Variants in CASZ1 observed in about 807,000 individuals in gnomAD.
The protein encoded by CASZ1 is zinc finger protein castor homolog 1.
A neutral mutation model predicts 135.2 loss-of-function variants in CASZ1; 28 were observed. That is an observed-to-expected ratio of 0.21 (90% CI 0.15 to 0.28). The LOEUF (loss-of-function observed/expected upper bound fraction) is 0.28. Among genes scored for constraint, CASZ1 ranks in the 10% least tolerant of loss-of-function variants. The probability of loss-of-function intolerance (pLI) is 1.00; values close to 1 mark genes in which losing one functional copy is unlikely to be tolerated. For missense variants in CASZ1, 2,161 were observed against 2,453.3 expected, an observed-to-expected ratio of 0.88 and a Z score of 2.52; for synonymous variants, 1,068 against 1,073.4, an observed-to-expected ratio of 0.99 and a Z score of 0.10.
chr1:10,650,759 G>A lies in CASZ1; in HGVS notation c.2817-4C>T. 1 of 1,613,648 alleles carries A rather than the reference G, an allele frequency of 6.2e-7. No individual in the cohort carries two copies. Among genetic ancestry groups the A allele is most frequent in the Non-Finnish European group, 8.5e-7 (1 of 1,179,726 alleles). On this transcript the variant is annotated splice_polypyrimidine_tract_variant and splice_region_variant and intron_variant, in intron 12 of 20. Transcript: ENST00000377022. ...TGCGTGGCCATTTGATTCGTTGCTA[G>A]AACACACAAACCAAGGGACTTGAGC...
intron 1 of CASZ1, among the ~76,000 whole-genome samples, chr1:10,787,583 G>A (rs955034569): frequency 6.6e-6 from 1 of 152,174 alleles, no homozygotes; most frequent in Non-Finnish European, 1.5e-5. Flanking sequence ...TAGTGCTGGG[G>A]AAGGGTGCCA....
rs79853558 is a variant in CASZ1, at chr1:10,747,257, C to T, written c.-77+13444G>A. Among the ~76,000 whole-genome samples the T allele has an allele frequency of 0.013, 2,023 of 152,276 alleles. 40 individuals carry two copies. The highest frequency in any genetic ancestry group is 0.041 in the African/African-American group (1,712 of 41,560). On this transcript the variant is annotated intron_variant, in intron 2 of 20. Coordinates refer to ENST00000377022, the MANE Select transcript of CASZ1 (RefSeq NM_001079843.3). The surrounding 1 kb of genome is among the most constrained non-coding windows in gnomAD (Gnocchi z 4.3). ...GCTGGGAAGCAAAGGGGAAGCCGTC[C>T]TTGGGAAGGTGGGGTCTGCAGAGAG...
intron 4 of CASZ1, 97 bp from the exon 5 acceptor site, chr1:10,665,668 C>T: frequency 7.5e-7 from 1 of 1,340,142 alleles, no homozygotes; most frequent in Non-Finnish European, 9.9e-7. Flanking sequence ...CTGCAGGCCT[C>T]CCCCATTGAC....
chr1:10,660,805 T>C, intron 5 of CASZ1: 1 of 506,646 alleles, frequency 2.0e-6, no homozygotes, highest in Non-Finnish European at 3.5e-6. Flanking sequence ...GCCGATGGCT[T>C]TTCAGTACAT....
chr1:10,664,246 C>T (rs769548470), intron 5 of CASZ1, among the ~76,000 whole-genome samples: 20 of 152,148 alleles, frequency 1.3e-4, no homozygotes, highest in East Asian at 1.9e-4. Context: ...CGCAGGGCAC[C>T]GGGCACAAGG....
In CASZ1 at chr1:10,757,713, G is replaced by A. The variant is rs186693411; in HGVS notation, c.-77+2988C>T. 1.3e-5 allele frequency among the ~76,000 whole-genome samples: 2 copies of A among 152,294 alleles called. No individual in the cohort carries two copies. The highest frequency in any genetic ancestry group is 1.9e-4 in the East Asian group (1 of 5,190). On this transcript the variant is annotated intron_variant, in intron 2 of 20. Coordinates refer to ENST00000377022, the MANE Select transcript of CASZ1 (RefSeq NM_001079843.3). This position sits in a 1 kb window ranked among gnomAD's most constrained non-coding sequence, Gnocchi z 4.6. ...TGAGGCAGGAGAATCACCTGAACCC[G>A]GGAGGCGGAGGTTGCAGTGAGCCAA...
intron 6 of CASZ1, 107 bp downstream of exon 6, chr1:10,659,595 G>A (rs1642937439): frequency 2.4e-6 from 2 of 834,598 alleles, no homozygotes; most frequent in Non-Finnish European, 4.0e-6. Flanking sequence ...TGTATAAGGT[G>A]TGAGCGGCAG....
chr1:10,682,885 G>A (rs1265756779), intron 4 of CASZ1, among the ~76,000 whole-genome samples: 1 of 152,232 alleles, frequency 6.6e-6, no homozygotes. Flanking sequence ...TGCGTGGTGC[G>A]CTTGGTGTGG....
chr1:10,675,172 T>C (rs1423253410), intron 4 of CASZ1, among the ~76,000 whole-genome samples: 2 of 152,184 alleles, frequency 1.3e-5, no homozygotes, highest in Non-Finnish European at 2.9e-5. Flanking sequence ...AGTGACTTAT[T>C]AAAGTTTAAA....
intron 18 of CASZ1, 60 bp from the exon 19 acceptor site, chr1:10,643,371 G>A (rs1557456986): frequency 6.3e-7 from 1 of 1,576,822 alleles, no homozygotes; most frequent in Non-Finnish European, 8.6e-7. Context: ...TGGCTTCCAG[G>A]TCCTGTTGGG....
chr1:10,681,351 C>A (rs1638414548), intron 4 of CASZ1, among the ~76,000 whole-genome samples: 2 of 152,166 alleles, frequency 1.3e-5, no homozygotes, highest in African/African-American at 4.8e-5. Context: ...AAGGGCACAG[C>A]CCAGACCCTA....
chr1:10,674,916 C>A (rs1476575772), intron 4 of CASZ1, among the ~76,000 whole-genome samples: 1 of 152,228 alleles, frequency 6.6e-6, no homozygotes, highest in Admixed American at 6.5e-5. Flanking sequence ...GGTCCCTGGG[C>A]CCTCTGTCGT....
At chr1:10,693,733 G>C in intron 4 of CASZ1, 141 bp downstream of exon 4, 1 of 797,926 alleles carries the variant, frequency 1.3e-6, no homozygotes, top group Non-Finnish European at 2.2e-6. Flanking sequence ...TCCCGAGGCC[G>C]GGACGCCGGG....
intron 4 of CASZ1, among the ~76,000 whole-genome samples, chr1:10,672,280 C>T (rs986892286): frequency 6.6e-6 from 1 of 151,090 alleles, no homozygotes; most frequent in African/African-American, 2.4e-5. Context: ...CCCGGCCGCC[C>T]AGCCTCCAAC....
In CASZ1 at chr1:10,774,197, G is replaced by A. The variant is rs1456602009; in HGVS notation, c.-233-13340C>T. ...AGTTTTGGGTGGAAATCCACCCGGA[G>A]TGCACCCTCCCACCTGACACCGTCG... On this transcript the variant is annotated intron_variant, in intron 1 of 20. Transcript: ENST00000377022. This position sits in a 1 kb window ranked among gnomAD's most constrained non-coding sequence, Gnocchi z 4.4. Among the ~76,000 whole-genome samples, 1 of 152,138 alleles carries A rather than the reference G, an allele frequency of 6.6e-6. No homozygotes were observed. Among genetic ancestry groups the A allele is most frequent in the Non-Finnish European group, 1.5e-5 (1 of 68,038 alleles).
chr1:10,696,967 CGA>C (rs1638947588), intron 3 of CASZ1, among the ~76,000 whole-genome samples: 1 of 152,164 alleles, frequency 6.6e-6, no homozygotes, highest in Non-Finnish European at 1.5e-5. Context: ...GGACAGGACT[CGA>C]GAGAGCTTGG....
Position 10,776,052 on chromosome 1 carries a change from C to T in CASZ1, c.-233-15195G>A, listed in dbSNP as rs747489676. ...CTCGGTCCCTGTAGCTAATTTACAC[C>T]CGTCAGGGTTTAAAATAGCAGAGGC... On this transcript the variant is annotated intron_variant, in intron 1 of 20. Transcript: ENST00000377022. This position sits in a 1 kb window ranked among gnomAD's most constrained non-coding sequence, Gnocchi z 4.1. Among the ~76,000 whole-genome samples the T allele has an allele frequency of 4.2e-4, 64 of 152,150 alleles. No homozygotes were observed. The highest frequency in any genetic ancestry group is 1.1e-3 in the Admixed American group (17 of 15,286).
At chr1:10,662,216 G>A (rs1557482223) in intron 5 of CASZ1, among the ~76,000 whole-genome samples, 1 of 149,910 alleles carries the variant, frequency 6.7e-6, no homozygotes, top group Non-Finnish European at 1.5e-5. Context: ...ACAGTCACAT[G>A]CAATCACATA....
chr1:10,639,427 C>A lies in CASZ1; in HGVS notation c.4795G>T (p.Glu1599Ter). Residue 1599 changes from glutamate (E) to a stop codon, truncating the protein, a stop_gained, in exon 21 of 21, where the codon GAG becomes TAG. Coordinates refer to ENST00000377022, the MANE Select transcript of CASZ1 (RefSeq NM_001079843.3). LOFTEE classifies it low-confidence loss of function (END_TRUNC). The surrounding 1 kb of genome is among the most constrained non-coding windows in gnomAD (Gnocchi z 4.0). ...CCCTCTGCCGCGGGCTCGCCGCGCT[C>A]CTGCTTCTCGTGCTTGCGCTTGTGC... The part of the protein sequence containing the change: ...DSHKRKHEKQ[E>*]RGEPAAEGPA... The A allele has an allele frequency of 1.9e-6, 3 of 1,572,264 alleles. No individual in the cohort carries two copies. The highest frequency in any genetic ancestry group is 2.6e-6 in the Non-Finnish European group (3 of 1,159,906).
Sources: gnomAD v4.1 joint callset for allele counts (sites outside exome capture counted in the v4.1 genomes callset) on GRCh38, gnomAD v4.1.1 for gene constraint, Gnocchi (gnomAD v3.1) non-coding constraint, MANE v1.5 for transcripts, NCBI Gene and HGNC (gene_info 2026-07-23, HGNC 2026-07-21) for gene names.